The following ARB2A variants were observed in gnomAD, a reference collection of about 807,000 sequenced individuals.
The protein encoded by ARB2A is cotranscriptional regulator ARB2A.
the ARB2A span, among the ~76,000 whole-genome samples, chr5:94,107,861 C>T: frequency 3.3e-5 from 5 of 152,158 alleles, no homozygotes; most frequent in African/African-American, 4.8e-5. Flanking sequence ...GTCTCAATTC[C>T]GAACCACATA....
chr5:93,928,593 T>A, the ARB2A span, among the ~76,000 whole-genome samples: 1 of 152,136 alleles, frequency 6.6e-6, no homozygotes, highest in African/African-American at 2.4e-5. Context: ...TATGAACACA[T>A]CATAACAGAC....
At chr5:94,097,226 C>T in the ARB2A span, among the ~76,000 whole-genome samples, 7 of 152,178 alleles carry the variant, frequency 4.6e-5, no homozygotes, top group African/African-American at 9.7e-5. Context: ...ATTCCCACCC[C>T]GTCTGCCAGC....
the ARB2A span, among the ~76,000 whole-genome samples, chr5:93,916,941 G>A: frequency 1.3e-5 from 2 of 152,076 alleles, no homozygotes; most frequent in African/African-American, 4.8e-5. Context: ...AAAGCATGGG[G>A]ATGTTATCAT....
the ARB2A span, among the ~76,000 whole-genome samples, chr5:93,790,007 A>C: frequency 6.6e-6 from 1 of 152,212 alleles, no homozygotes; most frequent in Non-Finnish European, 1.5e-5. Flanking sequence ...CTGCATTCAC[A>C]ATTTCTATTT....
At chr5:93,964,466 A>G in the ARB2A span, 1 of 1,568,976 alleles carries the variant, frequency 6.4e-7, no homozygotes, top group South Asian at 1.2e-5. Context: ...ACTGGAATAG[A>G]TACTTTTTTC....
the ARB2A span, among the ~76,000 whole-genome samples, chr5:94,038,818 A>T: frequency 6.6e-6 from 1 of 152,006 alleles, no homozygotes; most frequent in African/African-American, 2.4e-5. Context: ...CTAAAAAAAA[A>T]AAAAACAGAA....
chr5:93,973,208 T>C, the ARB2A span, among the ~76,000 whole-genome samples: 1 of 151,800 alleles, frequency 6.6e-6, no homozygotes, highest in African/African-American at 2.4e-5. Context: ...CAACTTGGCC[T>C]CCCAGTAGTT....
chr5:93,828,462 C>A, the ARB2A span, among the ~76,000 whole-genome samples: 2 of 152,288 alleles, frequency 1.3e-5, no homozygotes. Flanking sequence ...AAATTCCTCA[C>A]ATAATCAGTC....
At chr5:93,639,970 G>A in the ARB2A span, among the ~76,000 whole-genome samples, 52 of 151,046 alleles carry the variant, frequency 3.4e-4, no homozygotes, top group Non-Finnish European at 6.6e-4. Flanking sequence ...GCTTGAATCC[G>A]GGAGGCGGAG....
At chr5:93,952,867 T>C in the ARB2A span, among the ~76,000 whole-genome samples, 4 of 152,176 alleles carry the variant, frequency 2.6e-5, no homozygotes, top group Admixed American at 2.6e-4. Context: ...TATTATTTTG[T>C]CTCTTATAAA....
chr5:93,705,058 G>A, the ARB2A span, among the ~76,000 whole-genome samples: 3 of 152,184 alleles, frequency 2.0e-5, no homozygotes, highest in Non-Finnish European at 4.4e-5. Context: ...TGGGTAAAGA[G>A]GGGAAGGAGA....
chr5:94,080,103 T>C, the ARB2A span, among the ~76,000 whole-genome samples: 2 of 152,142 alleles, frequency 1.3e-5, no homozygotes, highest in Non-Finnish European at 2.9e-5. Context: ...TCATAATATG[T>C]AGCAGATATG....
At chr5:93,841,405 G>C in the ARB2A span, among the ~76,000 whole-genome samples, 1 of 152,100 alleles carries the variant, frequency 6.6e-6, no homozygotes, top group Non-Finnish European at 1.5e-5. Flanking sequence ...GTAATCCAGA[G>C]ATGATTTAAA....
the ARB2A span, among the ~76,000 whole-genome samples, chr5:93,952,381 C>G: frequency 6.6e-6 from 1 of 152,248 alleles, no homozygotes; most frequent in Non-Finnish European, 1.5e-5. Flanking sequence ...TTTTGTTTGT[C>G]TGGGAAAGTT....
the ARB2A span, among the ~76,000 whole-genome samples, chr5:94,010,226 A>C: frequency 6.6e-6 from 1 of 152,048 alleles, no homozygotes; most frequent in Non-Finnish European, 1.5e-5. Context: ...TGCATACCAT[A>C]AGTTTTGATA....
the ARB2A span, among the ~76,000 whole-genome samples, chr5:94,054,538 T>C: frequency 6.6e-6 from 1 of 152,130 alleles, no homozygotes; most frequent in Admixed American, 6.5e-5. Context: ...AAGGGGAACA[T>C]GGTATCAACA....
the ARB2A span, among the ~76,000 whole-genome samples, chr5:94,047,056 C>A: frequency 6.6e-6 from 1 of 152,178 alleles, no homozygotes; most frequent in South Asian, 2.1e-4. Flanking sequence ...GACTTTCTCT[C>A]TCCAATTCCT....
At chr5:93,639,851 C>T in the ARB2A span, among the ~76,000 whole-genome samples, 5 of 151,624 alleles carry the variant, frequency 3.3e-5, no homozygotes, top group South Asian at 2.1e-4. Flanking sequence ...TCGAGACCGG[C>T]CTGGCCAACA....
At chr5:94,105,782 A>C in the ARB2A span, among the ~76,000 whole-genome samples, 1 of 151,760 alleles carries the variant, frequency 6.6e-6, no homozygotes, top group African/African-American at 2.4e-5. Flanking sequence ...AAAAAAAAAA[A>C]CAGACACATA....
Sources: gnomAD v4.1 joint callset for allele counts (sites outside exome capture counted in the v4.1 genomes callset) on GRCh38, gnomAD v4.1.1 for gene constraint, MANE v1.5 for transcripts, NCBI Gene and HGNC (gene_info 2026-07-23, HGNC 2026-07-21) for gene names.